The following RNFT2 variants were observed in gnomAD, a reference collection of about 807,000 sequenced individuals.
RNFT2 encodes the protein ring finger protein, transmembrane 2, also known as E3 ubiquitin-protein ligase RNFT2.
A neutral mutation model predicts 53.0 loss-of-function variants in RNFT2; 36 were observed. The observed-to-expected ratio is 0.68, with a 90% CI of 0.52 to 0.90. The LOEUF (loss-of-function observed/expected upper bound fraction) is 0.90, where lower values mean the gene tolerates loss of function less well. Among genes scored for constraint, RNFT2 ranks in the 40% least tolerant of loss-of-function variants. The pLI is 0.00. For synonymous variants in RNFT2, 260 were observed against 253.2 expected, an observed-to-expected ratio of 1.03 and a Z score of -0.26; for missense variants, 514 against 585.6, an observed-to-expected ratio of 0.88 and a Z score of 1.26.
intron 7 of RNFT2, among the ~76,000 whole-genome samples, chr12:116,817,855 C>T (rs971546710): frequency 6.6e-6 from 1 of 152,156 alleles, no homozygotes; most frequent in Non-Finnish European, 1.5e-5. Flanking sequence ...ACAGGCACTG[C>T]GAAGGTGTTG....
chr12:116,839,952 ACT>A lies in RNFT2; in HGVS notation c.1200+3673_1200+3674del, dbSNP rs1877171338. Among the ~76,000 whole-genome samples the A allele has an allele frequency of 2.6e-5, 4 of 152,046 alleles. No individual in the cohort carries two copies. In the South Asian group the frequency reaches 8.3e-4, roughly 31 times the overall value. On this transcript the variant is annotated intron_variant, in intron 10 of 10. Coordinates refer to ENST00000257575, the MANE Select transcript of RNFT2 (RefSeq NM_001382266.1). ...ACTGAGCATGTCCTGAGGTTAGAAC[ACT>A]CTGCTCAGGAGCACACTTGCCCAGT...
At chr12:116,807,729 C>T (rs1592970821) in intron 7 of RNFT2, among the ~76,000 whole-genome samples, 1 of 152,120 alleles carries the variant, frequency 6.6e-6, no homozygotes, top group South Asian at 2.1e-4. Flanking sequence ...TCCCCAGCCT[C>T]CTTACATCCT....
chr12:116,765,968 T>A (rs1872895061), intron 5 of RNFT2, among the ~76,000 whole-genome samples: 2 of 152,074 alleles, frequency 1.3e-5, no homozygotes, highest in Non-Finnish European at 2.9e-5. Context: ...TAAATATGAA[T>A]CTGTACCAGA....
intron 10 of RNFT2, among the ~76,000 whole-genome samples, chr12:116,837,479 T>A (rs1443891912): frequency 1.3e-5 from 2 of 151,946 alleles, no homozygotes; most frequent in Admixed American, 6.6e-5. Flanking sequence ...GGCTTACGGG[T>A]AGGGGGATAG....
chr12:116,849,765 G>T lies in RNFT2; in HGVS notation c.*317G>T. ...CAATACATGAAGTTCCCACTTGTTG[G>T]TTATTTTCTCTTTCTTTTTTCTTTT... On this transcript the variant is annotated 3_prime_UTR_variant, in exon 11 of 11. Coordinates refer to ENST00000257575, the MANE Select transcript of RNFT2 (RefSeq NM_001382266.1). 3 of 1,138,744 alleles carry T rather than the reference G, an allele frequency of 2.6e-6. No individual in the cohort carries two copies. Among genetic ancestry groups the T allele is most frequent in the Non-Finnish European group, 3.2e-6 (3 of 928,124 alleles). The allele number at this position is 1,138,744 out of a possible 1,614,324, so 70.5% of individuals were successfully genotyped here.
At chr12:116,796,291 G>T (rs1384877567) in intron 7 of RNFT2, among the ~76,000 whole-genome samples, 2 of 152,098 alleles carry the variant, frequency 1.3e-5, no homozygotes, top group East Asian at 1.9e-4. Context: ...TACTAGGACT[G>T]GTTGTATCAG....
At position 116,750,035 on chromosome 12, in the gene RNFT2, C is replaced by T. The variant is rs755966868; in HGVS notation, c.278C>T (p.Ala93Val). Residue 93 changes from alanine (A) to valine (V), a missense_variant, in exon 4 of 11, where the codon GCG becomes GTG. By Grantham distance (64) the Ala-to-Val change is moderately conservative (BLOSUM62 0). Coordinates refer to ENST00000257575, the MANE Select transcript of RNFT2 (RefSeq NM_001382266.1). Reference sequence around the variant, plus strand: ...GGGGACGTGTTCATCCAGATGCCCGCGTCCAGGGAGGAAGGAGGGGGCCGG... The same window carrying T: ...GGGGACGTGTTCATCCAGATGCCCGTGTCCAGGGAGGAAGGAGGGGGCCGG... ...GGGDVFIQMP[A>V]SREEGGGRGE... The T allele has an allele frequency of 9.0e-6, 14 of 1,551,954 alleles. No individual in the cohort carries two copies. Among genetic ancestry groups the T allele is most frequent in the Admixed American group, 2.0e-5 (1 of 51,256 alleles).
intron 8 of RNFT2, among the ~76,000 whole-genome samples, chr12:116,834,350 C>T (rs1876850738): frequency 6.6e-6 from 1 of 152,100 alleles, no homozygotes; most frequent in Non-Finnish European, 1.5e-5. Flanking sequence ...AACTCCTGAC[C>T]TCAAGTGATC....
At chr12:116,756,730 A>T (rs1338365669) in intron 5 of RNFT2, among the ~76,000 whole-genome samples, 1 of 152,064 alleles carries the variant, frequency 6.6e-6, no homozygotes, top group African/African-American at 2.4e-5. Context: ...TTCGGTTAGC[A>T]AGTATTTTGT....
intron 7 of RNFT2, among the ~76,000 whole-genome samples, chr12:116,808,368 G>A (rs1221961199): frequency 1.3e-5 from 2 of 152,206 alleles, no homozygotes; most frequent in Non-Finnish European, 2.9e-5. Flanking sequence ...GGAATTACAG[G>A]TGCGAGCCGC....
In RNFT2 at chr12:116,779,231, C is replaced by T. The variant is rs754486519; in HGVS notation, c.765C>T (p.Asp255=). The part of the protein sequence containing the change: ...IFLKPNLEML[D]FFDLLWIVGI... ...TGAAGCCCAACCTGGAGATGCTGGACTTCTTTGACCTGCTATGGATTGTGG... is the reference window on the plus strand; with the variant it reads ...TGAAGCCCAACCTGGAGATGCTGGATTTCTTTGACCTGCTATGGATTGTGG... Residue 255 remains aspartate (D), a synonymous_variant, in exon 7 of 11, where the codon GAC becomes GAT. Transcript: ENST00000257575. 6.2e-7 allele frequency: 1 copy of T among 1,614,000 alleles called. No individual in the cohort carries two copies. The highest frequency in any genetic ancestry group is 2.2e-5 in the East Asian group (1 of 44,882).
chr12:116,763,902 C>A lies in RNFT2; in HGVS notation c.628-2912C>A, dbSNP rs1308289309. On this transcript the variant is annotated intron_variant, in intron 5 of 10. Transcript: ENST00000257575. ...ATTATACGAAAAAAATACTTACATA[C>A]TCATGTTTATAGCAGCACAATTCAC... is the stretch of plus-strand genomic sequence containing the variant. Among the ~76,000 whole-genome samples the A allele has an allele frequency of 1.1e-4, 16 of 152,188 alleles. 1 individual carries two copies. The South Asian group carries it at 3.3e-3, about 32-fold the overall frequency.
At chr12:116,756,783 A>C (rs1872526417) in intron 5 of RNFT2, among the ~76,000 whole-genome samples, 1 of 152,060 alleles carries the variant, frequency 6.6e-6, no homozygotes, top group South Asian at 2.1e-4. Context: ...ATCCATCTGT[A>C]GTTTTCTTTT....
In RNFT2 at chr12:116,779,625, A is replaced by C. The variant is rs144527104; in HGVS notation, c.882+277A>C. On this transcript the variant is annotated intron_variant, in intron 7 of 10. Coordinates refer to ENST00000257575, the MANE Select transcript of RNFT2 (RefSeq NM_001382266.1). Reference sequence around the variant, plus strand: ...TACCCTTGATGCAATTTTCATCCACATTTCACCTGAGAGAGGAAAAAAAAG... The same window carrying C: ...TACCCTTGATGCAATTTTCATCCACCTTTCACCTGAGAGAGGAAAAAAAAG... 1.8e-3 allele frequency among the ~76,000 whole-genome samples: 272 copies of C among 152,100 alleles called. 3 individuals carry two copies. The highest frequency in any genetic ancestry group is 6.1e-3 in the African/African-American group (255 of 41,510).
At chr12:116,801,800 T>C (rs945185707) in intron 7 of RNFT2, among the ~76,000 whole-genome samples, 1 of 139,178 alleles carries the variant, frequency 7.2e-6, no homozygotes, top group African/African-American at 3.3e-5. Flanking sequence ...TTCTGTGGGG[T>C]TTTTTTTGTT....
In RNFT2 at chr12:116,740,540, A is replaced by G. The variant is rs1055248749; in HGVS notation, c.24+19A>G. 4.5e-6 allele frequency: 7 copies of G among 1,562,350 alleles called. No individual in the cohort carries two copies. Among genetic ancestry groups the G allele is most frequent in the Non-Finnish European group, 6.1e-6 (7 of 1,152,000 alleles). On this transcript the variant is annotated intron_variant, in intron 2 of 10. Coordinates refer to ENST00000257575, the MANE Select transcript of RNFT2 (RefSeq NM_001382266.1). ...GAATCAGGTGACACGTCTCCAAGAG[A>G]ATTTGCATCTTTATTACTACTTGAT...
chr12:116,813,402 G>A (rs1463377109), intron 7 of RNFT2, among the ~76,000 whole-genome samples: 1 of 152,154 alleles, frequency 6.6e-6, no homozygotes, highest in Non-Finnish European at 1.5e-5. Flanking sequence ...TGCAGTGGCT[G>A]TTCCCTGTGC....
intron 6 of RNFT2, among the ~76,000 whole-genome samples, chr12:116,770,256 A>C (rs1158672286): frequency 6.6e-6 from 1 of 152,200 alleles, no homozygotes; most frequent in African/African-American, 2.4e-5. Context: ...CTTTCTGTTT[A>C]GATATACAGA....
In RNFT2 at chr12:116,806,381, A is replaced by AAAT. The variant is rs1465646224; in HGVS notation, c.882+27034_882+27035insATA. 8.8e-3 allele frequency among the ~76,000 whole-genome samples: 1,167 copies of AAAT among 133,320 alleles called. 16 individuals are homozygous for AAAT. The highest frequency in any genetic ancestry group is 0.013 in the Non-Finnish European group (844 of 65,442). The allele number at this position is 133,320 out of a possible 152,430, so 87.5% of individuals were successfully genotyped here. ...TGAGACTGTCTCAAAAAAAAAAAAA[A>AAAT]ATATATATATATATATATAGATAGA... On this transcript the variant is annotated intron_variant, in intron 7 of 10. Transcript: ENST00000257575.
Sources: allele counts gnomAD v4.1 joint callset (sites outside exome capture counted in the v4.1 genomes callset), GRCh38; gene constraint gnomAD v4.1.1; transcripts MANE v1.5; gene names NCBI Gene and HGNC (gene_info 2026-07-23, HGNC 2026-07-21).